Variants in VIPR1 observed in about 807,000 individuals in gnomAD.
VIPR1 encodes vasoactive intestinal polypeptide receptor 1.
VIPR1 carries 59 observed loss-of-function variants against 58.8 expected under a neutral mutation model. That is an observed-to-expected ratio of 1.00 (90% CI 0.81 to 1.25). VIPR1 has a LOEUF of 1.25. Ranked by LOEUF, VIPR1 falls within the 50% of genes most tolerant of loss-of-function variation. The pLI, the probability that VIPR1 is intolerant of heterozygous loss-of-function variation, is 0.00. For missense variants in VIPR1, 626 were observed against 602.7 expected, an observed-to-expected ratio of 1.04 and a Z score of -0.40; for synonymous variants, 251 against 242.1, an observed-to-expected ratio of 1.04 and a Z score of -0.34.
At chr3:42,516,303 G>T (rs894662625) in intron 2 of VIPR1, among the ~76,000 whole-genome samples, 2 of 152,166 alleles carry the variant, frequency 1.3e-5, no homozygotes, top group Admixed American at 6.5e-5. Flanking sequence ...AAATACTCCC[G>T]TTGCCTAGCC....
intron 4 of VIPR1, among the ~76,000 whole-genome samples, chr3:42,526,613 C>A (rs908251859): frequency 6.6e-6 from 1 of 152,148 alleles, no homozygotes; most frequent in Non-Finnish European, 1.5e-5. Flanking sequence ...CTTCTCAGAC[C>A]GGGCTTTCAC....
rs1008719050 is a variant in VIPR1 at position 42,526,092 on chromosome 3, G to A, written c.399+99G>A. 25 of 1,172,736 alleles carry A rather than the reference G, an allele frequency of 2.1e-5. No individual in the cohort carries two copies. The African/African-American group carries it at 3.0e-4, about 14-fold the overall frequency. The allele number at this position is 1,172,736 out of a possible 1,614,324, so 72.6% of individuals were successfully genotyped here. A position where few individuals can be genotyped will look rare whatever the true frequency, so the allele number is the denominator to read the frequency against. ...GAGGGGTGTGGTTGCTGTCTGTGTG[G>A]GAACAGGACTCCTGGAGTCTGCCCT... On this transcript the variant is annotated intron_variant, in intron 4 of 12. Coordinates refer to ENST00000325123, the MANE Select transcript of VIPR1 (RefSeq NM_004624.4).
chr3:42,490,651 C>T (rs529875967), intron 1 of VIPR1, among the ~76,000 whole-genome samples: 2 of 152,150 alleles, frequency 1.3e-5, no homozygotes, highest in South Asian at 4.2e-4. Flanking sequence ...CTCCAGGTAC[C>T]CTAGAGACAC....
chr3:42,530,731 G>T (rs1577252168), intron 6 of VIPR1, 48 bp from the exon 7 acceptor site: 1 of 1,602,860 alleles, frequency 6.2e-7, no homozygotes, highest in African/African-American at 1.3e-5. Context: ...GGCAGTCAAG[G>T]ACCCTTGACA....
intron 2 of VIPR1, among the ~76,000 whole-genome samples, chr3:42,514,148 G>A (rs1245259327): frequency 6.6e-6 from 1 of 151,998 alleles, no homozygotes; most frequent in Non-Finnish European, 1.5e-5. Context: ...GAAAAGTGAA[G>A]ATCTCCATGG....
At position 42,535,106 on chromosome 3, in the gene VIPR1, T is replaced by C. The variant is rs897928973; in HGVS notation, c.1140+2T>C. 5.6e-6 allele frequency: 9 copies of C among 1,614,232 alleles called. No individual in the cohort carries two copies. Among genetic ancestry groups the C allele is most frequent in the Non-Finnish European group, 7.6e-6 (9 of 1,180,030 alleles). On this transcript the variant is annotated splice_donor_variant, in intron 11 of 12. Coordinates refer to ENST00000325123, the MANE Select transcript of VIPR1 (RefSeq NM_004624.4). LOFTEE classifies it high-confidence loss of function. ...GAGCTCGTCGTGGGGTCTTTCCAGG[T>C]ATGGGCTGTTGACTTAAGGCTGCAT...
upstream of VIPR1, among the ~76,000 whole-genome samples, chr3:42,501,702 G>A (rs1482038756): frequency 6.6e-6 from 1 of 152,244 alleles, no homozygotes; most frequent in East Asian, 1.9e-4. This position sits in a 1 kb window ranked among gnomAD's most constrained non-coding sequence, Gnocchi z 4.8. Context: ...AAGGCAGGCG[G>A]CCAGGGTCCT....
chr3:42,515,572 G>A (rs73082667), intron 2 of VIPR1, among the ~76,000 whole-genome samples: 3,164 of 152,362 alleles, frequency 0.021, 44 homozygotes, highest in Non-Finnish European at 0.031. Context: ...CTGGCACAGC[G>A]TTCCCGTCGG....
At chr3:42,533,503 G>A (rs980003814) in intron 10 of VIPR1, 4 of 152,102 alleles carry the variant, frequency 2.6e-5, no homozygotes, top group African/African-American at 9.7e-5. Flanking sequence ...CTTTGCCGAT[G>A]GGACCTTATT....
upstream of VIPR1, among the ~76,000 whole-genome samples, chr3:42,498,886 T>C (rs965912535): frequency 6.6e-6 from 1 of 152,168 alleles, no homozygotes; most frequent in African/African-American, 2.4e-5. Context: ...GAATATTTCT[T>C]CTTTAAATGC....
intron 1 of VIPR1, among the ~76,000 whole-genome samples, chr3:42,504,080 A>C (rs963023621): frequency 6.6e-6 from 1 of 152,014 alleles, no homozygotes. Context: ...CCTCCTGAGC[A>C]CTCAAAATCT....
chr3:42,535,280 G>A (rs1559499530), intron 11 of VIPR1, 63 bp from the exon 12 acceptor site: 1 of 1,603,398 alleles, frequency 6.2e-7, no homozygotes, highest in Non-Finnish European at 8.5e-7. Flanking sequence ...GGAGCCAGGG[G>A]TGGGGCAGGG....
At chr3:42,507,797 A>G (rs527739543) in intron 1 of VIPR1, 1 of 152,200 alleles carries the variant, frequency 6.6e-6, no homozygotes, top group Admixed American at 6.5e-5. Flanking sequence ...CCTTGTCCTG[A>G]TATCACTCTG....
At chr3:42,500,762 G>A (rs988612157), upstream of VIPR1, among the ~76,000 whole-genome samples, 6 of 152,196 alleles carry the variant, frequency 3.9e-5, no homozygotes, top group Admixed American at 6.5e-5. Context: ...GGATAGCTGA[G>A]GAGATGGCTG....
At chr3:42,515,356 G>A (rs952476849) in intron 2 of VIPR1, among the ~76,000 whole-genome samples, 7 of 152,206 alleles carry the variant, frequency 4.6e-5, no homozygotes, top group African/African-American at 1.7e-4. Context: ...ACTGAGGCAT[G>A]GGTCACGGGG....
chr3:42,522,104 T>TTATA (rs1700971889), intron 3 of VIPR1, among the ~76,000 whole-genome samples: 1 of 29,394 alleles, frequency 3.4e-5, no homozygotes, highest in Non-Finnish European at 5.4e-5. Flanking sequence ...TATATATATT[T>TTATA]TTTTTTTTTT....
chr3:42,531,501 C>G lies in VIPR1; in HGVS notation c.821C>G (p.Thr274Ser), dbSNP rs552572277. 9 of 1,593,400 alleles carry G rather than the reference C, an allele frequency of 5.6e-6. No individual in the cohort carries two copies. The East Asian group carries it at 2.0e-4, about 36-fold the overall frequency. The change falls in exon 8 of 13, where the codon ACC becomes AGC. Residue 274 changes from threonine (T) to serine (S), a missense_variant. Coordinates refer to ENST00000325123, the MANE Select transcript of VIPR1 (RefSeq NM_004624.4). ...GVPSTFTMVW[T>S]IARIHFEDYG... Reference sequence around the variant, plus strand: ...CCCAGCACATTCACCATGGTGTGGACCATCGCCAGGATCCATTTTGAGGAT... The same window carrying G: ...CCCAGCACATTCACCATGGTGTGGAGCATCGCCAGGATCCATTTTGAGGAT...
chr3:42,529,873 C>T (rs911029356), intron 6 of VIPR1: 1 of 152,206 alleles, frequency 6.6e-6, no homozygotes, highest in African/African-American at 2.4e-5. Context: ...CCTTCATGGT[C>T]CTCGTCTGCC....
chr3:42,531,762 C>G (rs774454818), intron 8 of VIPR1, 41 bp from the exon 9 acceptor site: 17 of 1,612,810 alleles, frequency 1.1e-5, no homozygotes, highest in Non-Finnish European at 1.4e-5. Flanking sequence ...CTCTCTCTGG[C>G]TGAGGACAAT....
Sources: allele counts gnomAD v4.1 joint callset (sites outside exome capture counted in the v4.1 genomes callset), GRCh38; gene constraint gnomAD v4.1.1; non-coding constraint Gnocchi (gnomAD v3.1); transcripts MANE v1.5; gene names NCBI Gene and HGNC (gene_info 2026-07-23, HGNC 2026-07-21).